The following TRIO variants were observed in gnomAD, a reference collection of about 807,000 sequenced individuals.
TRIO encodes the protein trio Rho guanine nucleotide exchange factor, also known as triple functional domain protein.
TRIO carries 58 observed loss-of-function variants against 351.9 expected under a neutral mutation model. The observed-to-expected ratio is 0.16, with a 90% CI of 0.13 to 0.21. The LOEUF is 0.21. Ranked by LOEUF, TRIO falls within the 10% of genes least tolerant of loss-of-function variation. The pLI is 1.00. For missense variants in TRIO, 3,201 were observed against 4,027.8 expected, an observed-to-expected ratio of 0.79 and a Z score of 5.56; for synonymous variants, 1,758 against 1,595.7, an observed-to-expected ratio of 1.10 and a Z score of -2.42.
chr5:14,340,749 A>G (rs527905418), intron 11 of TRIO, among the ~76,000 whole-genome samples: 48 of 152,360 alleles, frequency 3.2e-4, no homozygotes, highest in African/African-American at 1.1e-3. Context: ...CCAGGCTCTT[A>G]GACTCCAAAA....
intron 49 of TRIO, among the ~76,000 whole-genome samples, chr5:14,493,645 A>T (rs901688042): frequency 6.6e-6 from 1 of 152,054 alleles, no homozygotes; most frequent in African/African-American, 2.4e-5. Context: ...CCAGTTAATA[A>T]CTCTACAGTG....
chr5:14,487,545 G>C lies in TRIO; in HGVS notation c.6917G>C (p.Gly2306Ala), dbSNP rs1260206871. 1.1e-5 allele frequency: 12 copies of C among 1,068,378 alleles called. 1 individual carries two copies. Among genetic ancestry groups the C allele is most frequent in the African/African-American group, 1.7e-5 (1 of 58,074 alleles). The allele number at this position is 1,068,378 out of a possible 1,614,324, so 66.2% of individuals were successfully genotyped here. The change falls in exon 48 of 57, where the codon GGG becomes GCG. Residue 2306 changes from glycine (G) to alanine (A), a missense_variant. Transcript: ENST00000344204. ...GGGSGGSGGG[G>A]GSGGGGAPSG... ...GGCAGCGGGGGCAGCGGCGGGGGTG[G>C]GGGCAGCGGCGGCGGCGGGGCCCCC... is the stretch of plus-strand genomic sequence containing the variant.
intron 1 of TRIO, among the ~76,000 whole-genome samples, chr5:14,199,256 A>C (rs1315180273): frequency 6.7e-6 from 1 of 149,114 alleles, no homozygotes; most frequent in Non-Finnish European, 1.5e-5. Context: ...TTAAGTATTC[A>C]TATTTCTAGA....
chr5:14,440,840 C>T (rs1579661521), intron 34 of TRIO: 2 of 152,310 alleles, frequency 1.3e-5, no homozygotes, highest in Middle Eastern at 6.8e-3. Flanking sequence ...TGTCACTTCA[C>T]ATTTCACTGA....
intron 1 of TRIO, among the ~76,000 whole-genome samples, chr5:14,169,039 C>T (rs1360310438): frequency 6.6e-6 from 1 of 152,116 alleles, no homozygotes; most frequent in East Asian, 1.9e-4. Context: ...TTGACTACTG[C>T]TGTTTGATTT....
chr5:14,250,262 C>T (rs1036583475), intron 1 of TRIO, among the ~76,000 whole-genome samples: 2 of 152,202 alleles, frequency 1.3e-5, no homozygotes, highest in Non-Finnish European at 2.9e-5. Context: ...CTTGACGATA[C>T]CTCTGAGCCA....
chr5:14,206,106 G>T (rs145151274), intron 1 of TRIO, among the ~76,000 whole-genome samples: 323 of 152,250 alleles, frequency 2.1e-3, no homozygotes, highest in Non-Finnish European at 3.5e-3. Context: ...CTGTCACCCA[G>T]ACTGGAGTGC....
Position 14,403,471 on chromosome 5 carries a change from TGTG to T in TRIO, c.4717-2373_4717-2371del, listed in dbSNP as rs1198981263. 4.0e-4 allele frequency among the ~76,000 whole-genome samples: 12 copies of T among 29,764 alleles called. 1 individual carries two copies. The highest frequency in any genetic ancestry group is 8.8e-4 in the African/African-American group (6 of 6,816). 19.5% of individuals were successfully genotyped at this position (29,764 alleles called of 152,430 possible). A position where few individuals can be genotyped will look rare whatever the true frequency, so the allele number is the denominator to read the frequency against. On this transcript the variant is annotated intron_variant, in intron 31 of 56. Coordinates refer to ENST00000344204, the MANE Select transcript of TRIO (RefSeq NM_007118.4). ...TGTAGGTTGTGGTGAGGGTGCAGGT[TGTG>T]GTGAGGGTGCAGGTGGTGGTGGTGA...
intron 34 of TRIO, among the ~76,000 whole-genome samples, chr5:14,448,971 G>A (rs1561502962): frequency 1.3e-5 from 2 of 152,160 alleles, no homozygotes; most frequent in African/African-American, 4.8e-5. Flanking sequence ...TACTTAAAAA[G>A]CAGTGAAAAT....
At chr5:14,212,462 T>TCAAAC (rs1791969849) in intron 1 of TRIO, among the ~76,000 whole-genome samples, 1 of 152,208 alleles carries the variant, frequency 6.6e-6, no homozygotes, top group East Asian at 1.9e-4. Context: ...ACATACCTGC[T>TCAAAC]CAAACGTGCA....
At chr5:14,217,514 G>A (rs1025446612) in intron 1 of TRIO, among the ~76,000 whole-genome samples, 1 of 152,168 alleles carries the variant, frequency 6.6e-6, no homozygotes. Context: ...GGATTCTGGG[G>A]CTTTCCCATG....
chr5:14,405,780 GGGTGT>G (rs1230469310), intron 31 of TRIO, 63 bp from the exon 32 acceptor site: 2 of 1,492,344 alleles, frequency 1.3e-6, no homozygotes, highest in Non-Finnish European at 9.0e-7. Flanking sequence ...CAGGAAACCT[GGGTGT>G]GGTTAGGGCA....
chr5:14,344,905 G>A (rs1742276532), intron 11 of TRIO, among the ~76,000 whole-genome samples: 1 of 152,034 alleles, frequency 6.6e-6, no homozygotes, highest in Non-Finnish European at 1.5e-5. Flanking sequence ...CCTTCATATT[G>A]GCAAAAATCA....
intron 1 of TRIO, among the ~76,000 whole-genome samples, chr5:14,188,391 G>C (rs547864783): frequency 2.6e-5 from 4 of 152,286 alleles, no homozygotes; most frequent in East Asian, 3.9e-4. Flanking sequence ...TACAGAGTTA[G>C]TTAAGGGATG....
chr5:14,351,383 A>C (rs186540208), intron 11 of TRIO, among the ~76,000 whole-genome samples: 2 of 152,226 alleles, frequency 1.3e-5, no homozygotes, highest in Non-Finnish European at 2.9e-5. Context: ...TCCACCTGCA[A>C]GTTGCCATTG....
At chr5:14,350,272 G>A (rs567307695) in intron 11 of TRIO, among the ~76,000 whole-genome samples, 19 of 152,202 alleles carry the variant, frequency 1.2e-4, no homozygotes, top group Non-Finnish European at 2.4e-4. Context: ...TTGGCCAACC[G>A]CAGTGAGAGA....
chr5:14,198,518 G>C (rs1790910907), intron 1 of TRIO, among the ~76,000 whole-genome samples: 1 of 152,136 alleles, frequency 6.6e-6, no homozygotes, highest in Non-Finnish European at 1.5e-5. Flanking sequence ...AGACCTTCTG[G>C]AACCAACAAG....
At chr5:14,430,164 T>G (rs942107310) in intron 34 of TRIO, among the ~76,000 whole-genome samples, 17 of 150,276 alleles carry the variant, frequency 1.1e-4, no homozygotes, top group Non-Finnish European at 1.8e-4. Context: ...TATAAAACTT[T>G]GCGTGTAATG....
chr5:14,183,756 A>G, intron 1 of TRIO: 1 of 517,246 alleles, frequency 1.9e-6, no homozygotes, highest in Non-Finnish European at 3.5e-6. Flanking sequence ...GAGGGAAGGC[A>G]TGCGGCCGCA....
Sources: gnomAD v4.1 joint callset for allele counts (sites outside exome capture counted in the v4.1 genomes callset) on GRCh38, gnomAD v4.1.1 for gene constraint, MANE v1.5 for transcripts, NCBI Gene and HGNC (gene_info 2026-07-23, HGNC 2026-07-21) for gene names.